Variants in PRKG1 observed in about 807,000 individuals in gnomAD.
PRKG1 encodes the protein protein kinase cGMP-dependent 1.
A neutral mutation model predicts 88.1 loss-of-function variants in PRKG1; 35 were observed. The observed-to-expected ratio is 0.40, with a 90% CI of 0.30 to 0.53. The LOEUF is 0.53. PRKG1 is among the 20% of genes least tolerant of loss of function. PRKG1 has a pLI of 0.59. For synonymous variants in PRKG1, 303 were observed against 292.5 expected, an observed-to-expected ratio of 1.04 and a Z score of -0.37; for missense variants, 540 against 839.8, an observed-to-expected ratio of 0.64 and a Z score of 4.41.
intron 9 of PRKG1, among the ~76,000 whole-genome samples, chr10:52,174,400 A>C (rs1373033400): frequency 2.0e-5 from 3 of 151,950 alleles, no homozygotes; most frequent in Non-Finnish European, 4.4e-5. Flanking sequence ...GTTGACATAC[A>C]CATTGATTAA....
intron 3 of PRKG1, among the ~76,000 whole-genome samples, chr10:51,564,515 G>A (rs990033955): frequency 1.3e-5 from 2 of 151,978 alleles, no homozygotes; most frequent in Admixed American, 1.3e-4. Context: ...GTGGGAGGAA[G>A]CGTGTGTAAA....
intron 1 of PRKG1, among the ~76,000 whole-genome samples, chr10:51,091,789 C>A (rs1204062853): frequency 3.9e-5 from 6 of 152,078 alleles, no homozygotes; most frequent in Non-Finnish European, 7.4e-5. Flanking sequence ...GATTAATATA[C>A]CTTTTCCCTC....
intron 7 of PRKG1, among the ~76,000 whole-genome samples, chr10:52,100,151 G>T (rs1006058554): frequency 1.3e-5 from 2 of 152,106 alleles, no homozygotes; most frequent in African/African-American, 4.8e-5. Flanking sequence ...GGCCATTCCA[G>T]CCTTCTCCCA....
At chr10:51,341,626 C>G (rs1487457441) in intron 2 of PRKG1, among the ~76,000 whole-genome samples, 2 of 152,134 alleles carry the variant, frequency 1.3e-5, no homozygotes, top group African/African-American at 4.8e-5. Context: ...TAATGTGGTA[C>G]ATTTCTTCTC....
intron 7 of PRKG1, among the ~76,000 whole-genome samples, chr10:52,075,213 T>G (rs1265726206): frequency 6.6e-6 from 1 of 152,192 alleles, no homozygotes; most frequent in Non-Finnish European, 1.5e-5. Flanking sequence ...TACAGATAAA[T>G]TTGTAAAAGA....
intron 9 of PRKG1, among the ~76,000 whole-genome samples, chr10:52,179,054 T>G (rs1351085527): frequency 2.0e-5 from 3 of 152,106 alleles, no homozygotes; most frequent in Admixed American, 2.0e-4. Flanking sequence ...GATTCATTTT[T>G]TTCTTGTTGT....
intron 2 of PRKG1, among the ~76,000 whole-genome samples, chr10:51,324,834 G>A (rs1841547923): frequency 6.6e-6 from 1 of 152,166 alleles, no homozygotes; most frequent in South Asian, 2.1e-4. Flanking sequence ...CTTGACTATT[G>A]TGAATAATGC....
chr10:52,168,707 A>T (rs574909943), intron 9 of PRKG1, among the ~76,000 whole-genome samples: 93 of 141,806 alleles, frequency 6.6e-4, no homozygotes, highest in African/African-American at 1.9e-3. Flanking sequence ...AATGTGATTT[A>T]AAAAAAAAAA....
intron 1 of PRKG1, among the ~76,000 whole-genome samples, chr10:51,121,430 C>T (rs1845258360): frequency 1.3e-5 from 2 of 152,168 alleles, no homozygotes; most frequent in Admixed American, 6.6e-5. Flanking sequence ...CTGCATTCTA[C>T]ATTGTTCGGG....
chr10:51,697,416 A>G (rs901461692), intron 3 of PRKG1: 10 of 413,214 alleles, frequency 2.4e-5, no homozygotes, highest in Admixed American at 4.2e-5. Flanking sequence ...AGATGCTTCA[A>G]TATTGCTGCT....
chr10:51,495,080 G>A (rs1422759902), intron 3 of PRKG1, among the ~76,000 whole-genome samples: 1 of 151,938 alleles, frequency 6.6e-6, no homozygotes, highest in East Asian at 1.9e-4. Context: ...TCCATGGGAT[G>A]TACCAATGTG....
chr10:51,768,467 G>A (rs1271506387), intron 3 of PRKG1, among the ~76,000 whole-genome samples: 1 of 152,068 alleles, frequency 6.6e-6, no homozygotes, highest in African/African-American at 2.4e-5. Context: ...AAAAACATAT[G>A]GAATGGCAAA....
At chr10:51,720,032 A>G (rs1320097360) in intron 3 of PRKG1, among the ~76,000 whole-genome samples, 1 of 152,120 alleles carries the variant, frequency 6.6e-6, no homozygotes, top group Non-Finnish European at 1.5e-5. Context: ...AGCCAAGAAA[A>G]GATTTGGGGA....
chr10:51,909,687 T>C (rs1364341339), intron 5 of PRKG1: 1 of 152,164 alleles, frequency 6.6e-6, no homozygotes, highest in Non-Finnish European at 1.5e-5. Flanking sequence ...TTTAAGAGAC[T>C]GAGGAATGAA....
At chr10:51,290,878 G>A (rs933670713) in intron 2 of PRKG1, among the ~76,000 whole-genome samples, 18 of 152,230 alleles carry the variant, frequency 1.2e-4, no homozygotes, top group African/African-American at 4.3e-4. Context: ...ACTGCCAGAC[G>A]AAGAAGTGAA....
intron 1 of PRKG1, among the ~76,000 whole-genome samples, chr10:51,123,925 C>T (rs1429121601): frequency 1.3e-5 from 2 of 151,912 alleles, no homozygotes; most frequent in African/African-American, 4.8e-5. Context: ...TTTTAACGGG[C>T]CAGACCTCAG....
chr10:51,948,156 A>AC lies in PRKG1; in HGVS notation c.762+40586_762+40587insC, dbSNP rs375282721. 1.5e-4 allele frequency among the ~76,000 whole-genome samples: 23 copies of AC among 152,240 alleles called. No homozygotes were observed. The East Asian group carries it at 4.1e-3, about 27-fold the overall frequency. On this transcript the variant is annotated intron_variant, in intron 5 of 17. Transcript: ENST00000373980. ...ATTAAATTATTTACATTGTTACCTC[A>AC]AACAAGTGCTAGTTCACCATGATTC...
intron 3 of PRKG1, among the ~76,000 whole-genome samples, chr10:51,516,464 A>T (rs929074894): frequency 1.1e-4 from 17 of 151,958 alleles, no homozygotes; most frequent in Middle Eastern, 3.4e-3. Flanking sequence ...ATCGGGAGAG[A>T]GCAGGCACAC....
chr10:52,199,590 A>G (rs1170818192), intron 9 of PRKG1, among the ~76,000 whole-genome samples: 1 of 152,152 alleles, frequency 6.6e-6, no homozygotes, highest in Non-Finnish European at 1.5e-5. Flanking sequence ...TAACGCTTCC[A>G]TAAATAAGAG....
Sources: allele counts gnomAD v4.1 joint callset (sites outside exome capture counted in the v4.1 genomes callset), GRCh38; gene constraint gnomAD v4.1.1; transcripts MANE v1.5; gene names NCBI Gene and HGNC (gene_info 2026-07-23, HGNC 2026-07-21).